MYH14: variants seen among roughly 807,000 people sequenced by gnomAD.
MYH14 encodes the protein myosin-14.
In MYH14, 123 loss-of-function variants were observed where a neutral mutation model predicts 255.5. The observed-to-expected ratio is 0.48, with a 90% CI of 0.42 to 0.56. The LOEUF (loss-of-function observed/expected upper bound fraction) is 0.56. Among genes scored for constraint, MYH14 ranks in the 20% least tolerant of loss-of-function variants. The pLI is 0.00. For synonymous variants in MYH14, 1,095 were observed against 1,161.2 expected (o/e 0.94, Z 1.16); for missense variants, 2,423 against 2,802.3 (o/e 0.86, Z 3.06).
Position 50,280,438 on chromosome 19 carries a change from CCTGGGTT to C in MYH14, c.4290+57_4290+63del. ...AGGCACAGCCCCCCTCACTGCTCCTCCTGGGTTCCCCAGCTCAGGGATGGCCATGCTG... is the reference window on the plus strand; with the variant it reads ...AGGCACAGCCCCCCTCACTGCTCCTCCCCCAGCTCAGGGATGGCCATGCTG... On this transcript the variant is annotated intron_variant, in intron 32 of 42. Transcript: ENST00000642316. The surrounding 1 kb of genome is among the most constrained non-coding windows in gnomAD (Gnocchi z 4.8). 6.8e-7 allele frequency: 1 copy of C among 1,465,300 alleles called. No homozygotes were observed. The highest frequency in any genetic ancestry group is 9.1e-7 in the Non-Finnish European group (1 of 1,101,444). 90.8% of individuals were successfully genotyped at this position (1,465,300 alleles called of 1,614,324 possible). A position where few individuals can be genotyped will look rare whatever the true frequency, so the allele number is the denominator to read the frequency against.
In MYH14 at chr19:50,250,966, A is replaced by G. The variant is rs1203156583; in HGVS notation, c.1830+278A>G. Reference sequence around the variant, plus strand: ...CATTTTATCCACTTATTCAGCAGATATGTGCGGGGTGCCATTTGTGTGCCC... The same window carrying G: ...CATTTTATCCACTTATTCAGCAGATGTGTGCGGGGTGCCATTTGTGTGCCC... On this transcript the variant is annotated intron_variant, in intron 15 of 42. Transcript: ENST00000642316. The surrounding 1 kb of genome is among the most constrained non-coding windows in gnomAD (Gnocchi z 5.4). Among the ~76,000 whole-genome samples, 1 of 152,174 alleles carries G rather than the reference A, an allele frequency of 6.6e-6. No individual in the cohort carries two copies. The highest frequency in any genetic ancestry group is 6.5e-5 in the Admixed American group (1 of 15,272).
chr19:50,211,835 T>A (rs595748), intron 2 of MYH14, among the ~76,000 whole-genome samples: 39,049 of 150,444 alleles, frequency 0.26, 5,965 homozygotes, highest in African/African-American at 0.43. Context: ...AAAAATACAA[T>A]AAATTAGCTG....
At chr19:50,255,736 T>C (rs1249583706) in intron 17 of MYH14, among the ~76,000 whole-genome samples, 6 of 152,014 alleles carry the variant, frequency 3.9e-5, no homozygotes, top group Non-Finnish European at 8.8e-5. Context: ...GAACTTTAGT[T>C]CTTATCTGTG....
In MYH14 at chr19:50,250,712, G is replaced by C; in HGVS notation, c.1830+24G>C. 6.3e-7 allele frequency: 1 copy of C among 1,596,814 alleles called. No individual in the cohort carries two copies. Among genetic ancestry groups the C allele is most frequent in the Non-Finnish European group, 8.6e-7 (1 of 1,167,692 alleles). On this transcript the variant is annotated intron_variant, in intron 15 of 42. Coordinates refer to ENST00000642316, the MANE Select transcript of MYH14 (RefSeq NM_001145809.2). This position sits in a 1 kb window ranked among gnomAD's most constrained non-coding sequence, Gnocchi z 5.4. ...AGGTAGGGGCTGGGGCCGGCCTTGG[G>C]GCATGTGGGAGTGGGGATCAAGGGA...
At position 50,266,454 on chromosome 19, in the gene MYH14, G is replaced by A. The variant is rs1438759237; in HGVS notation, c.2695-423G>A. Among the ~76,000 whole-genome samples, 1 of 152,200 alleles carries A rather than the reference G, an allele frequency of 6.6e-6. No homozygotes were observed. ...TACGCCTGTAATCCCAGCTACTCGG[G>A]AGGCTGAGGCAGGAGAATCGCTTGA... On this transcript the variant is annotated intron_variant, in intron 22 of 42. Coordinates refer to ENST00000642316, the MANE Select transcript of MYH14 (RefSeq NM_001145809.2). This position sits in a 1 kb window ranked among gnomAD's most constrained non-coding sequence, Gnocchi z 4.1.
chr19:50,210,797 G>T (rs372329114), intron 2 of MYH14, 27 bp downstream of exon 2: 1 of 1,534,258 alleles, frequency 6.5e-7, no homozygotes, highest in East Asian at 2.5e-5. Flanking sequence ...TGGGGGGCGC[G>T]TGCGGCGGAG....
At position 50,309,193 on chromosome 19, in the gene MYH14, G is replaced by A. The variant is rs369915943; in HGVS notation, c.5960+16G>A. The A allele has an allele frequency of 4.9e-5, 79 of 1,612,946 alleles. No homozygotes were observed. The highest frequency in any genetic ancestry group is 5.6e-5 in the Non-Finnish European group (66 of 1,179,126). ...ACCGGCTTCGGTATGGTCATCCCAC[G>A]TACAGGCCTGACGGGTGGGGAGCAC... On this transcript the variant is annotated intron_variant, in intron 42 of 42. Transcript: ENST00000642316.
At chr19:50,218,325 G>C (rs1046097677) in intron 3 of MYH14, among the ~76,000 whole-genome samples, 1 of 151,936 alleles carries the variant, frequency 6.6e-6, no homozygotes, top group African/African-American at 2.4e-5. Context: ...GGCCAGGCGC[G>C]GTGGCTCACG....
chr19:50,273,920 C>T (rs1046374382), intron 27 of MYH14, among the ~76,000 whole-genome samples: 4 of 152,052 alleles, frequency 2.6e-5, no homozygotes, highest in African/African-American at 9.7e-5. Flanking sequence ...GCACTGCACC[C>T]GGCCGTGAAC....
At chr19:50,239,770 C>A (rs528607865) in intron 10 of MYH14, among the ~76,000 whole-genome samples, 57 of 152,036 alleles carry the variant, frequency 3.7e-4, no homozygotes, top group Non-Finnish European at 7.5e-4. Context: ...AGGATGGTCT[C>A]GATCTCTTGA....
In MYH14 at chr19:50,230,900, C is replaced by A. The variant is rs374300056; in HGVS notation, c.973+277C>A. 4.4e-6 allele frequency: 2 copies of A among 452,808 alleles called. No individual in the cohort carries two copies. The highest frequency in any genetic ancestry group is 8.1e-6 in the Non-Finnish European group (2 of 248,172). 28.0% of individuals were successfully genotyped at this position (452,808 alleles called of 1,614,324 possible). A position where few individuals can be genotyped will look rare whatever the true frequency, so the allele number is the denominator to read the frequency against. On this transcript the variant is annotated intron_variant, in intron 9 of 42. Transcript: ENST00000642316. The surrounding 1 kb of genome is among the most constrained non-coding windows in gnomAD (Gnocchi z 4.7). Reference sequence around the variant, plus strand: ...CCGCCTGGTGGCTCCTGCTCACGCTCGCTTCCGAAGCTCCGTGGCTTCTCT... The same window carrying A: ...CCGCCTGGTGGCTCCTGCTCACGCTAGCTTCCGAAGCTCCGTGGCTTCTCT...
intron 34 of MYH14, among the ~76,000 whole-genome samples, chr19:50,287,476 A>G (rs1160419397): frequency 6.6e-6 from 1 of 152,056 alleles, no homozygotes; most frequent in African/African-American, 2.4e-5. Flanking sequence ...GCAGTGGTGC[A>G]ATCATGGCAC....
chr19:50,303,000 T>C (rs994102654), intron 40 of MYH14, among the ~76,000 whole-genome samples: 8 of 152,270 alleles, frequency 5.3e-5, no homozygotes, highest in Admixed American at 3.9e-4. Flanking sequence ...TCATTTAGGA[T>C]GCTTTGGGCT....
intron 23 of MYH14, 37 bp from the exon 24 acceptor site, chr19:50,268,124 C>T (rs2035156870): frequency 6.5e-7 from 1 of 1,527,338 alleles, no homozygotes; most frequent in African/African-American, 1.4e-5. Flanking sequence ...CCTGGGAGCA[C>T]TGCCTGCTGA....
chr19:50,290,793 G>A (rs2036045034), intron 35 of MYH14, 94 bp from the exon 36 acceptor site: 5 of 1,337,336 alleles, frequency 3.7e-6, no homozygotes, highest in Non-Finnish European at 5.1e-6. Flanking sequence ...TGCAGCCTGG[G>A]CAGGAGCTCC....
intron 1 of MYH14, among the ~76,000 whole-genome samples, chr19:50,207,823 CT>C (rs1233497494): frequency 3.3e-5 from 5 of 152,194 alleles, no homozygotes; most frequent in African/African-American, 9.7e-5. Context: ...CTTTTGTCCC[CT>C]CTCTTACATC....
At chr19:50,291,072 G>A in intron 36 of MYH14, 24 bp downstream of exon 36, 3 of 1,609,310 alleles carry the variant, frequency 1.9e-6, no homozygotes, top group Non-Finnish European at 2.5e-6. Context: ...TGAGCTGCAG[G>A]GAGGGGAGGC....
intron 11 of MYH14, among the ~76,000 whole-genome samples, chr19:50,245,547 G>C (rs1475500147): frequency 6.6e-6 from 1 of 152,076 alleles, no homozygotes; most frequent in African/African-American, 2.4e-5. Context: ...GTGTCTCTCT[G>C]GGCTTTGTTC....
At chr19:50,245,967 C>G (rs1434456351) in intron 11 of MYH14, among the ~76,000 whole-genome samples, 2 of 136,898 alleles carry the variant, frequency 1.5e-5, no homozygotes. Flanking sequence ...TCCCTCCTTC[C>G]CTCCCTCCTT....
Sources: allele counts gnomAD v4.1 joint callset (sites outside exome capture counted in the v4.1 genomes callset), GRCh38; gene constraint gnomAD v4.1.1; non-coding constraint Gnocchi (gnomAD v3.1); transcripts MANE v1.5; gene names NCBI Gene and HGNC (gene_info 2026-07-23, HGNC 2026-07-21).